The following QPCT variants were observed in gnomAD, a reference collection of about 807,000 sequenced individuals.
QPCT encodes the protein glutaminyl-peptide cyclotransferase.
A neutral mutation model predicts 43.4 loss-of-function variants in QPCT; 44 were observed. The ratio of observed to expected loss-of-function variants is 1.01; its 90% CI spans 0.80 to 1.30. The LOEUF (loss-of-function observed/expected upper bound fraction) is 1.30, where lower values mean the gene tolerates loss of function less well. Among genes scored for constraint, QPCT ranks in the 50% most tolerant of loss-of-function variants. The pLI is 0.00. For missense variants in QPCT, 526 were observed against 436.5 expected (o/e 1.21, Z -1.83); for synonymous variants, 168 against 168.4 (o/e 1.00, Z 0.02).
chr2:37,372,056 TC>T (rs780020985), intron 5 of QPCT, among the ~76,000 whole-genome samples: 5 of 152,206 alleles, frequency 3.3e-5, no homozygotes, highest in Non-Finnish European at 7.3e-5. Flanking sequence ...CACCCACCTG[TC>T]CTCTGTTTTT....
At chr2:37,356,226 T>C (rs1459022311) in intron 2 of QPCT, among the ~76,000 whole-genome samples, 4 of 152,232 alleles carry the variant, frequency 2.6e-5, no homozygotes, top group Admixed American at 6.5e-5. Flanking sequence ...GTAGACTATC[T>C]TGTAACAGCC....
Position 37,359,657 on chromosome 2 carries a change from T to C in QPCT, c.345T>C (p.Tyr115=). The change falls in exon 3 of 7, where the codon TAT becomes TAC. Residue 115 remains tyrosine, a synonymous_variant. Coordinates refer to ENST00000338415, the MANE Select transcript of QPCT (RefSeq NM_012413.4). ...EIDTFLSQTP[Y]GYRSFSNIIS... ...ACACCTTCTTGAGTCAGACACCCTA[T>C]GGGTACCGGTCTTTCTCAAATATCA... The C allele has an allele frequency of 6.2e-7, 1 of 1,614,092 alleles. No homozygotes were observed. The highest frequency in any genetic ancestry group is 8.5e-7 in the Non-Finnish European group (1 of 1,179,940).
intron 1 of QPCT, among the ~76,000 whole-genome samples, chr2:37,347,216 A>ATAT (rs1410742767): frequency 2.3e-5 from 2 of 87,224 alleles, no homozygotes; most frequent in South Asian, 3.4e-4. Context: ...ACATATATAT[A>ATAT]ACATATATAT....
rs148781285 is a variant in QPCT at position 37,368,730 on chromosome 2, C to T, written c.724-955C>T. 1,797 of 470,326 alleles carry T rather than the reference C, an allele frequency of 3.8e-3. 7 individuals are homozygous for T. The highest frequency in any genetic ancestry group is 4.7e-3 in the Non-Finnish European group (1,069 of 226,690). 29.1% of individuals were successfully genotyped at this position (470,326 alleles called of 1,614,324 possible). A position where few individuals can be genotyped will look rare whatever the true frequency, so the allele number is the denominator to read the frequency against. On this transcript the variant is annotated intron_variant, in intron 4 of 6. Coordinates refer to ENST00000338415, the MANE Select transcript of QPCT (RefSeq NM_012413.4). ...TTCAGAACATATTCACAAGAGGAGA[C>T]GCCTGGTTGATCAGCAGTAGAACAA...
At chr2:37,345,221 C>T (rs910771928) in intron 1 of QPCT, among the ~76,000 whole-genome samples, 1 of 152,200 alleles carries the variant, frequency 6.6e-6, no homozygotes, top group African/African-American at 2.4e-5. Context: ...GGCAACGGGG[C>T]CGGCGCTCCG....
intron 3 of QPCT, among the ~76,000 whole-genome samples, chr2:37,365,230 G>A (rs1319019954): frequency 6.6e-6 from 1 of 152,026 alleles, no homozygotes. Context: ...TGTGAAGAGG[G>A]AAGGGAGATG....
chr2:37,372,315 T>C (rs1388289977), intron 5 of QPCT, 41 bp from the exon 6 acceptor site: 2 of 1,355,738 alleles, frequency 1.5e-6, no homozygotes, highest in Admixed American at 3.4e-5. Context: ...CTTGATAAGA[T>C]AAAAATAGTT....
At position 37,372,863 on chromosome 2, in the gene QPCT, T is replaced by C. The variant is rs1057208059; in HGVS notation, c.*36T>C. 8.4e-6 allele frequency: 13 copies of C among 1,546,468 alleles called. No individual in the cohort carries two copies. Among genetic ancestry groups the C allele is most frequent in the Non-Finnish European group, 1.1e-5 (13 of 1,138,804 alleles). On this transcript the variant is annotated 3_prime_UTR_variant, in exon 7 of 7. Coordinates refer to ENST00000338415, the MANE Select transcript of QPCT (RefSeq NM_012413.4). ...TAGTTTAGGATAATTGGTTCTAGAA[T>C]TGAATTCAAAAGTCAAGGCATCATT...
chr2:37,356,548 G>A (rs1672750109), intron 2 of QPCT, among the ~76,000 whole-genome samples: 1 of 152,164 alleles, frequency 6.6e-6, no homozygotes, highest in Non-Finnish European at 1.5e-5. Context: ...GGTCGTTTGG[G>A]GAGTTCCCCT....
At chr2:37,369,601 AATTTT>A (rs1475697577) in intron 4 of QPCT, 79 bp from the exon 5 acceptor site, 4 of 1,018,822 alleles carry the variant, frequency 3.9e-6, no homozygotes, top group Non-Finnish European at 6.2e-6. Flanking sequence ...AAATGCAGTT[AATTTT>A]GACTGATTGT....
intron 4 of QPCT, chr2:37,368,202 G>C (rs534436289): frequency 6.2e-6 from 1 of 162,356 alleles, no homozygotes; most frequent in South Asian, 1.7e-4. Context: ...TGACATGGGG[G>C]TGGGGATATT....
Position 37,372,983 on chromosome 2 carries a change from G to C in QPCT, c.*156G>C. ...GTCTTTGGTTATCAGATCAATTACAGAATAATTGTGTTGTGATATTGTGTC... is the reference window on the plus strand; with the variant it reads ...GTCTTTGGTTATCAGATCAATTACACAATAATTGTGTTGTGATATTGTGTC... On this transcript the variant is annotated 3_prime_UTR_variant, in exon 7 of 7. Transcript: ENST00000338415. 1.7e-6 allele frequency: 1 copy of C among 589,668 alleles called. No homozygotes were observed. Among genetic ancestry groups the C allele is most frequent in the Non-Finnish European group, 2.7e-6 (1 of 368,860 alleles). The allele number at this position is 589,668 out of a possible 1,614,324, so 36.5% of individuals were successfully genotyped here. A position where few individuals can be genotyped will look rare whatever the true frequency, so the allele number is the denominator to read the frequency against.
At chr2:37,368,440 G>A (rs1013944354) in intron 4 of QPCT, 16 of 342,530 alleles carry the variant, frequency 4.7e-5, no homozygotes, top group African/African-American at 2.9e-4. Flanking sequence ...CACTAGCCCC[G>A]GTGCCTTCAT....
chr2:37,359,729 C>A lies in QPCT; in HGVS notation c.417C>A (p.Cys139Ter). Residue 139 changes from cysteine (C) to a stop codon, truncating the protein, a stop_gained, in exon 3 of 7, where the codon TGC (cysteine) becomes TGA (stop). Coordinates refer to ENST00000338415, the MANE Select transcript of QPCT (RefSeq NM_012413.4). LOFTEE classifies it high-confidence loss of function. ...PTAKRHLVLA[C>*]HYDSKYFSHW... The stretch of plus-strand genomic sequence containing the variant: ...CTAAACGACATTTGGTCCTCGCCTG[C>A]CACTATGACTCCAAGTATTTTTCCC... The A allele has an allele frequency of 1.9e-6, 3 of 1,614,128 alleles. No homozygotes were observed. Among genetic ancestry groups the A allele is most frequent in the East Asian group, 2.2e-5 (1 of 44,874 alleles).
At chr2:37,352,488 C>A (rs1282732893) in intron 1 of QPCT, among the ~76,000 whole-genome samples, 1 of 152,084 alleles carries the variant, frequency 6.6e-6, no homozygotes, top group Non-Finnish European at 1.5e-5. Flanking sequence ...TGCGTCACCA[C>A]GCCCATCTAA....
intron 5 of QPCT, among the ~76,000 whole-genome samples, chr2:37,372,148 A>C (rs541298832): frequency 3.4e-4 from 52 of 151,144 alleles, no homozygotes; most frequent in African/African-American, 1.2e-3. Context: ...GCCACATTTG[A>C]CTCTTCTCTC....
Position 37,372,746 on chromosome 2 carries a change from T to C in QPCT, c.1005T>C (p.Asn335=). The C allele has an allele frequency of 6.2e-7, 1 of 1,613,508 alleles. No homozygotes were observed. Among genetic ancestry groups the C allele is most frequent in the Non-Finnish European group, 8.5e-7 (1 of 1,179,544 alleles). ...FPEVWHTMDD[N]EENLDESTID... is the part of the protein sequence containing the mutation. ...AAGTCTGGCACACCATGGATGACAA[T>C]GAAGAAAATTTGGATGAATCAACCA... The change falls in exon 7 of 7, where the codon AAT becomes AAC. Residue 335 remains asparagine (N), a synonymous_variant. Transcript: ENST00000338415.
intron 3 of QPCT, among the ~76,000 whole-genome samples, chr2:37,363,660 A>T (rs1290149151): frequency 3.3e-5 from 3 of 90,990 alleles, no homozygotes; most frequent in Non-Finnish European, 5.1e-5. Context: ...TTTAAAATGT[A>T]AAAAAAAAAA....
chr2:37,353,646 C>T (rs1439586376), intron 2 of QPCT, among the ~76,000 whole-genome samples: 4 of 152,140 alleles, frequency 2.6e-5, no homozygotes, highest in African/African-American at 9.7e-5. Flanking sequence ...CTGGGCCAGA[C>T]CTTGAATGCC....
Sources: gnomAD v4.1 joint callset for allele counts (sites outside exome capture counted in the v4.1 genomes callset) on GRCh38, gnomAD v4.1.1 for gene constraint, MANE v1.5 for transcripts, NCBI Gene and HGNC (gene_info 2026-07-23, HGNC 2026-07-21) for gene names.